NPAS3: variants seen among roughly 807,000 people sequenced by gnomAD.
NPAS3 encodes the protein neuronal PAS domain-containing protein 3.
In NPAS3, 14 loss-of-function variants were observed where a neutral mutation model predicts 73.1. The observed-to-expected ratio is 0.19, with a 90% confidence interval of 0.13 to 0.30. The LOEUF is 0.30. NPAS3 is among the 10% of genes least tolerant of loss of function. The pLI is 1.00. For missense variants in NPAS3, 1,096 were observed against 1,250.0 expected (o/e 0.88, Z 1.86); for synonymous variants, 620 against 541.5 (o/e 1.14, Z -2.01).
chr14:33,423,338 A>T (rs963229500), intron 4 of NPAS3, among the ~76,000 whole-genome samples: 3 of 152,026 alleles, frequency 2.0e-5, no homozygotes, highest in African/African-American at 7.2e-5. Context: ...ATGTACTCTC[A>T]GTACATTCAC....
intron 4 of NPAS3, among the ~76,000 whole-genome samples, chr14:33,443,720 C>A (rs924904829): frequency 3.9e-5 from 6 of 152,190 alleles, no homozygotes; most frequent in Non-Finnish European, 7.3e-5. Context: ...GAAGGAGTCA[C>A]TTTAAGTTTG....
chr14:33,083,164 T>C (rs1959160), intron 2 of NPAS3, among the ~76,000 whole-genome samples: 108,031 of 126,196 alleles, frequency 0.86, 46,056 homozygotes, highest in Middle Eastern at 0.94. Context: ...GCCTGGGTAA[T>C]GGCGAGACTG....
intron 3 of NPAS3, among the ~76,000 whole-genome samples, chr14:33,290,444 A>G (rs1351005963): frequency 6.6e-6 from 1 of 152,170 alleles, no homozygotes; most frequent in Non-Finnish European, 1.5e-5. Flanking sequence ...CTTCTGTGCA[A>G]GTGTACACTT....
rs77517186 is a variant in NPAS3, at chr14:33,661,495, T to A, written c.559-14716T>A. On this transcript the variant is annotated intron_variant, in intron 5 of 11. Coordinates refer to ENST00000356141, the Ensembl canonical transcript of NPAS3. ...CACAGAAAATAATCCTTGTGTCTCC[T>A]GTAATGTCCAGAATTGCCACTTACT... Among the ~76,000 whole-genome samples, 156 of 152,344 alleles carry A rather than the reference T, an allele frequency of 1.0e-3. 2 individuals are homozygous for A. In the East Asian group the frequency reaches 0.017, roughly 16 times the overall value.
At chr14:33,548,101 T>G (rs144539958) in intron 4 of NPAS3, among the ~76,000 whole-genome samples, 135 of 152,346 alleles carry the variant, frequency 8.9e-4, no homozygotes, top group African/African-American at 2.9e-3. Context: ...TATCCCTTCA[T>G]GCAATCGTTG....
chr14:33,745,575 C>CCATGTCTA (rs2061767162), intron 7 of NPAS3, among the ~76,000 whole-genome samples: 5 of 152,170 alleles, frequency 3.3e-5, no homozygotes, highest in Admixed American at 3.3e-4. Context: ...CACATACAAT[C>CCATGTCTA]CATGTCTACA....
At chr14:33,321,595 T>C (rs74042031) in intron 3 of NPAS3, among the ~76,000 whole-genome samples, 23,044 of 151,910 alleles carry the variant, frequency 0.15, 2,082 homozygotes, top group African/African-American at 0.25. Context: ...GCTTTGCCGC[T>C]TCCTAGCTGA....
intron 1 of NPAS3, among the ~76,000 whole-genome samples, chr14:33,044,650 G>T (rs1231529327): frequency 7.1e-6 from 1 of 139,970 alleles, no homozygotes; most frequent in African/African-American, 2.6e-5. Flanking sequence ...GAGTGAGTTA[G>T]TTTGTTTTTT....
chr14:33,022,351 T>C (rs1480689472), intron 1 of NPAS3, among the ~76,000 whole-genome samples: 2 of 152,158 alleles, frequency 1.3e-5, no homozygotes, highest in African/African-American at 4.8e-5. Flanking sequence ...TTAGAAATTA[T>C]ACATTCTTGG....
At chr14:33,112,854 G>C (rs1457471690) in intron 2 of NPAS3, among the ~76,000 whole-genome samples, 1 of 152,176 alleles carries the variant, frequency 6.6e-6, no homozygotes, top group Non-Finnish European at 1.5e-5. Context: ...TAAGGTGTAA[G>C]GAAGGAATCC....
intron 1 of NPAS3, among the ~76,000 whole-genome samples, chr14:33,054,959 T>C (rs2040836499): frequency 6.6e-6 from 1 of 152,116 alleles, no homozygotes; most frequent in Non-Finnish European, 1.5e-5. Flanking sequence ...TGTTTTTAAT[T>C]AATAATTAAG....
intron 3 of NPAS3, among the ~76,000 whole-genome samples, chr14:33,237,021 T>A (rs182320075): frequency 6.6e-6 from 1 of 152,136 alleles, no homozygotes; most frequent in Non-Finnish European, 1.5e-5. Flanking sequence ...TTTTTGTTTA[T>A]GTTTTCAGTG....
intron 4 of NPAS3, among the ~76,000 whole-genome samples, chr14:33,420,253 A>G (rs891451943): frequency 6.6e-6 from 1 of 151,912 alleles, no homozygotes; most frequent in African/African-American, 2.4e-5. Context: ...TAGGCATTTC[A>G]AACAGACTCT....
chr14:33,409,614 C>T (rs551414334), intron 4 of NPAS3, among the ~76,000 whole-genome samples: 22 of 152,224 alleles, frequency 1.4e-4, no homozygotes, highest in African/African-American at 5.3e-4. Flanking sequence ...GGGATTTATT[C>T]AATTTACTAG....
At chr14:33,368,528 CT>C (rs2140424301) in intron 4 of NPAS3, among the ~76,000 whole-genome samples, 1 of 152,218 alleles carries the variant, frequency 6.6e-6, no homozygotes, top group East Asian at 1.9e-4. Flanking sequence ...TCCATCAGGT[CT>C]GAGATAGCAC....
chr14:33,578,151 C>T (rs901641195), intron 5 of NPAS3: 5 of 455,874 alleles, frequency 1.1e-5, no homozygotes, highest in African/African-American at 1.0e-4. Context: ...CTTACTTTGC[C>T]TCCTTCTCTC....
At chr14:33,777,911 T>A (rs998329916) in intron 8 of NPAS3, among the ~76,000 whole-genome samples, 1 of 152,158 alleles carries the variant, frequency 6.6e-6, no homozygotes, top group Non-Finnish European at 1.5e-5. Context: ...AGCTCCCAAA[T>A]GACTAAGACT....
intron 1 of NPAS3, among the ~76,000 whole-genome samples, chr14:32,994,611 G>GTTTT (rs1197652527): frequency 0.069 from 8,760 of 126,800 alleles, 576 homozygotes; most frequent in African/African-American, 0.13. Flanking sequence ...CGCCATTCTA[G>GTTTT]TTTTTTGTTT....
At chr14:33,120,042 T>C (rs541745168) in intron 2 of NPAS3, among the ~76,000 whole-genome samples, 1 of 152,082 alleles carries the variant, frequency 6.6e-6, no homozygotes, top group South Asian at 2.1e-4. Flanking sequence ...CCTTGCTCTG[T>C]CACCCAGGTT....
Sources: allele counts gnomAD v4.1 joint callset (sites outside exome capture counted in the v4.1 genomes callset), GRCh38; gene constraint gnomAD v4.1.1; transcripts MANE v1.5; gene names NCBI Gene and HGNC (gene_info 2026-07-23, HGNC 2026-07-21).